APBB2: variants seen among roughly 807,000 people sequenced by gnomAD.
APBB2 encodes the protein amyloid beta precursor protein binding family B member 2, also known as Fe65-like 1.
Under a neutral mutation model 82.5 loss-of-function variants are expected in APBB2, and 38 were observed. The observed-to-expected ratio is 0.46, with a 90% confidence interval of 0.36 to 0.60. The LOEUF (loss-of-function observed/expected upper bound fraction) is 0.60. APBB2 is among the 20% of genes least tolerant of loss of function. The pLI, the probability that APBB2 is intolerant of heterozygous loss-of-function variation, is 0.00. For synonymous variants in APBB2, 341 were observed against 368.2 expected, an observed-to-expected ratio of 0.93 and a Z score of 0.85; for missense variants, 772 against 972.3, an observed-to-expected ratio of 0.79 and a Z score of 2.74.
intron 7 of APBB2, chr4:40,935,373 C>A: frequency 2.0e-6 from 1 of 489,604 alleles, no homozygotes; most frequent in Non-Finnish European, 3.6e-6. Context: ...AAATAAATGA[C>A]TAAACATTAT....
intron 11 of APBB2, chr4:40,892,532 A>G (rs1772354138): frequency 6.6e-6 from 1 of 152,222 alleles, no homozygotes; most frequent in African/African-American, 2.4e-5. Flanking sequence ...AAACTTTTCT[A>G]CCACTGCTCT....
intron 10 of APBB2, among the ~76,000 whole-genome samples, chr4:40,907,513 G>GGTGT (rs1210194544): frequency 1.3e-5 from 2 of 150,620 alleles, no homozygotes; most frequent in Non-Finnish European, 3.0e-5. Context: ...TGGGATTACA[G>GGTGT]GTGTGTGCTA....
In APBB2 at chr4:41,140,388, T is replaced by A. The variant is rs541451524; in HGVS notation, c.-261+2599A>T. The stretch of plus-strand genomic sequence containing the variant: ...AAGTAATTGAATTAAATCTATTTTT[T>A]AAATCTTTTTAATGTTTTTTAATGT... On this transcript the variant is annotated intron_variant, in intron 2 of 17. Transcript: ENST00000508593. 3.9e-5 allele frequency among the ~76,000 whole-genome samples: 6 copies of A among 152,380 alleles called. No individual in the cohort carries two copies. The East Asian group carries it at 5.8e-4, about 15-fold the overall frequency.
At chr4:40,865,976 G>A (rs567726474) in intron 12 of APBB2, among the ~76,000 whole-genome samples, 13 of 152,280 alleles carry the variant, frequency 8.5e-5, no homozygotes, top group African/African-American at 2.2e-4. Context: ...GTGAGGATGC[G>A]GAGCAACTGA....
chr4:40,949,553 G>A (rs1271867058), intron 6 of APBB2, among the ~76,000 whole-genome samples: 5 of 152,008 alleles, frequency 3.3e-5, no homozygotes, highest in Admixed American at 6.6e-5. Context: ...CTTAATGGCC[G>A]CCCTCCGATG....
chr4:40,834,843 A>T (rs7694184), intron 12 of APBB2, among the ~76,000 whole-genome samples: 123,963 of 152,060 alleles, frequency 0.82, 51,035 homozygotes, highest in African/African-American at 0.91. Context: ...ATTTCTGACC[A>T]CCAGAAACAG....
At chr4:40,900,036 C>A (rs1774824425) in intron 10 of APBB2, among the ~76,000 whole-genome samples, 1 of 152,124 alleles carries the variant, frequency 6.6e-6, no homozygotes, top group Non-Finnish European at 1.5e-5. Context: ...GAGACAGTGA[C>A]CAAAAGGTAA....
At chr4:40,968,713 TC>T in intron 6 of APBB2, among the ~76,000 whole-genome samples, 1 of 152,288 alleles carries the variant, frequency 6.6e-6, no homozygotes, top group East Asian at 1.9e-4. Context: ...TGTTTTTCTA[TC>T]TGACACTAAA....
chr4:41,093,207 T>A (rs935182605), intron 3 of APBB2, among the ~76,000 whole-genome samples: 1 of 152,214 alleles, frequency 6.6e-6, no homozygotes. Flanking sequence ...AGCCATCATT[T>A]CCTATTTTAC....
At chr4:40,935,535 T>A (rs1276332109) in intron 7 of APBB2, 2 of 163,662 alleles carry the variant, frequency 1.2e-5, no homozygotes, top group Non-Finnish European at 2.6e-5. Context: ...GGGGGTGGAA[T>A]GAGGGACGGG....
intron 10 of APBB2, among the ~76,000 whole-genome samples, chr4:40,912,227 A>C (rs1340358423): frequency 6.6e-6 from 1 of 152,018 alleles, no homozygotes. Context: ...CCATAGCCAC[A>C]CTCCCAATCA....
chr4:41,062,173 T>G (rs572861332), intron 4 of APBB2, among the ~76,000 whole-genome samples: 1 of 151,852 alleles, frequency 6.6e-6, no homozygotes, highest in South Asian at 2.1e-4. Context: ...TATTTATTTA[T>G]TTATTTATTT....
chr4:41,198,122 A>G, intron 1 of APBB2, among the ~76,000 whole-genome samples: 1 of 152,226 alleles, frequency 6.6e-6, no homozygotes, highest in African/African-American at 2.4e-5. Context: ...AGCTGATAAG[A>G]ACTAGAATTT....
chr4:41,148,836 T>A (rs1580416079), intron 1 of APBB2, among the ~76,000 whole-genome samples: 1 of 151,546 alleles, frequency 6.6e-6, no homozygotes, highest in African/African-American at 2.4e-5. Context: ...AGACTGGCAC[T>A]AAAAAAAAAT....
intron 2 of APBB2, among the ~76,000 whole-genome samples, chr4:41,140,095 G>A (rs1758674265): frequency 6.6e-6 from 1 of 152,104 alleles, no homozygotes; most frequent in Admixed American, 6.5e-5. Flanking sequence ...TTAAAAAGAG[G>A]AAATAAGTCT....
chr4:41,033,621 C>A (rs191155621), intron 4 of APBB2, among the ~76,000 whole-genome samples: 7 of 141,456 alleles, frequency 4.9e-5, no homozygotes, highest in African/African-American at 1.5e-4. Context: ...CACACACACA[C>A]AATTCAGCAC....
intron 6 of APBB2, among the ~76,000 whole-genome samples, chr4:40,965,818 G>A (rs1357519733): frequency 6.6e-6 from 1 of 152,098 alleles, no homozygotes; most frequent in Admixed American, 6.6e-5. Context: ...CAAATTGGAA[G>A]GTCCTGGAAA....
intron 6 of APBB2, among the ~76,000 whole-genome samples, chr4:40,950,810 TC>T (rs1158775145): frequency 6.6e-6 from 1 of 151,482 alleles, no homozygotes; most frequent in Non-Finnish European, 1.5e-5. Context: ...GCCATTGCAC[TC>T]CAACTTGGGT....
chr4:40,891,855 C>G (rs1772118881), intron 11 of APBB2, among the ~76,000 whole-genome samples: 1 of 152,172 alleles, frequency 6.6e-6, no homozygotes, highest in Non-Finnish European at 1.5e-5. Context: ...AACCACCTAC[C>G]TTCTAAATCC....
Sources: allele counts gnomAD v4.1 joint callset (sites outside exome capture counted in the v4.1 genomes callset), GRCh38; gene constraint gnomAD v4.1.1; transcripts MANE v1.5; gene names NCBI Gene and HGNC (gene_info 2026-07-23, HGNC 2026-07-21).